The following NCOR2 variants were observed in gnomAD, a reference collection of about 807,000 sequenced individuals.
NCOR2 encodes nuclear receptor corepressor 2, also known as CTG repeat protein 26.
In NCOR2, 81 loss-of-function variants were observed where a neutral mutation model predicts 262.9. The ratio of observed to expected loss-of-function variants is 0.31; its 90% CI spans 0.26 to 0.37. NCOR2 has a LOEUF of 0.37. Among genes scored for constraint, NCOR2 ranks in the 10% least tolerant of loss-of-function variants. The pLI is 1.00. For synonymous variants in NCOR2, 1,659 were observed against 1,559.3 expected (o/e 1.06, Z -1.51); for missense variants, 3,385 against 3,621.4 (o/e 0.93, Z 1.68).
chr12:124,374,371 C>CT (rs1566413782), intron 19 of NCOR2, 42 bp downstream of exon 21: 1 of 1,600,426 alleles, frequency 6.2e-7, no homozygotes, highest in East Asian at 2.2e-5. Context: ...ATGCCCGCCC[C>CT]GGCCCGGCCC....
intron 1 of NCOR2, among the ~76,000 whole-genome samples, chr12:124,501,656 C>A (rs905065321): frequency 3.3e-5 from 5 of 152,194 alleles, no homozygotes; most frequent in African/African-American, 1.2e-4. Context: ...CTTCTAAGGG[C>A]ACCCGTCATA....
At chr12:124,461,640 T>C (rs759189260) in intron 5 of NCOR2, among the ~76,000 whole-genome samples, 2 of 152,194 alleles carry the variant, frequency 1.3e-5, no homozygotes, top group Non-Finnish European at 2.9e-5. Flanking sequence ...CACATACACA[T>C]GTGCACCCAA....
Position 124,440,578 on chromosome 12 carries a change from A to G in NCOR2, c.816-2582T>C, listed in dbSNP as rs889960622. On this transcript the variant is annotated intron_variant, in intron 7 of 46. Transcript: ENST00000405201. This position sits in a 1 kb window ranked among gnomAD's most constrained non-coding sequence, Gnocchi z 5.7. ...TCGCAGCCTCATCTTCTGTTATTCA[A>G]TAACTGTTTACTGAGCATCTACTAT... Among the ~76,000 whole-genome samples the G allele has an allele frequency of 1.3e-5, 2 of 152,210 alleles. No individual in the cohort carries two copies. Among genetic ancestry groups the G allele is most frequent in the Non-Finnish European group, 2.9e-5 (2 of 68,046 alleles).
At chr12:124,361,398 T>C (rs2038583791) in intron 22 of NCOR2, among the ~76,000 whole-genome samples, 1 of 152,174 alleles carries the variant, frequency 6.6e-6, no homozygotes, top group Admixed American at 6.5e-5. Context: ...GATGCCTCTT[T>C]GGGGACACAG....
intron 1 of NCOR2, among the ~76,000 whole-genome samples, chr12:124,544,128 G>A (rs569579393): frequency 6.6e-6 from 1 of 152,182 alleles, no homozygotes; most frequent in Non-Finnish European, 1.5e-5. Flanking sequence ...GAGATGAATG[G>A]AAAGGGTGCA....
At chr12:124,426,105 G>A (rs2043531083) in intron 11 of NCOR2, among the ~76,000 whole-genome samples, 2 of 152,176 alleles carry the variant, frequency 1.3e-5, no homozygotes, top group South Asian at 2.1e-4. Flanking sequence ...GCAGTGCCCC[G>A]TCTTACATCC....
At chr12:124,493,035 C>G (rs570822424) in intron 1 of NCOR2, among the ~76,000 whole-genome samples, 1 of 152,348 alleles carries the variant, frequency 6.6e-6, no homozygotes, top group East Asian at 1.9e-4. Flanking sequence ...CTGGGCCCCA[C>G]TCACTCCCTG....
intron 1 of NCOR2, among the ~76,000 whole-genome samples, chr12:124,525,629 T>C (rs2050424828): frequency 6.6e-6 from 1 of 152,226 alleles, no homozygotes; most frequent in African/African-American, 2.4e-5. Flanking sequence ...CTGAGGGCCC[T>C]ACGTGGCACA....
intron 1 of NCOR2, among the ~76,000 whole-genome samples, chr12:124,561,711 C>T (rs1363451735): frequency 1.3e-5 from 2 of 152,046 alleles, no homozygotes; most frequent in Non-Finnish European, 2.9e-5. Context: ...AGAGAAAACA[C>T]GCATGAAAAG....
intron 1 of NCOR2, among the ~76,000 whole-genome samples, chr12:124,491,101 C>G (rs575852470): frequency 6.6e-6 from 1 of 152,240 alleles, no homozygotes; most frequent in African/African-American, 2.4e-5. Context: ...GGCTGAGCTG[C>G]TTTCACACCA....
chr12:124,401,309 T>A (rs999945188), intron 14 of NCOR2, among the ~76,000 whole-genome samples: 1 of 152,202 alleles, frequency 6.6e-6, no homozygotes. Context: ...ATTGGCTGGC[T>A]ATTTTATTCC....
intron 20 of NCOR2, among the ~76,000 whole-genome samples, chr12:124,368,926 G>C (rs1456877495): frequency 1.3e-5 from 2 of 152,266 alleles, no homozygotes; most frequent in African/African-American, 4.8e-5. Flanking sequence ...TAACAAAGGT[G>C]AAATTGCTGT....
In NCOR2 at chr12:124,335,478, C is replaced by T. The variant is rs747820134; in HGVS notation, c.6265+5G>A. 7.1e-5 allele frequency: 114 copies of T among 1,603,092 alleles called. No individual in the cohort carries two copies. The highest frequency in any genetic ancestry group is 8.7e-5 in the Non-Finnish European group (103 of 1,178,420). On this transcript the variant is annotated splice_donor_5th_base_variant and intron_variant, in intron 39 of 46. Coordinates refer to ENST00000405201, the Ensembl canonical transcript of NCOR2. Reference sequence around the variant, plus strand: ...TCGGGGGCCTGGGTACTGGGTGGGGCGTACCTGGCTGCTTGGGCCGCAGCT... The same window carrying T: ...TCGGGGGCCTGGGTACTGGGTGGGGTGTACCTGGCTGCTTGGGCCGCAGCT...
At chr12:124,340,367 G>GTCCCGCTCTCGATCCCGGTCTCGC in exon 36 of NCOR2, 2 of 1,613,016 alleles carry the variant, frequency 1.2e-6, no homozygotes, top group Non-Finnish European at 1.7e-6. Context: ...CCCGATCCCG[G>GTCCCGCTCTCGATCCCGGTCTCGC]TCCCGCTCTC....
exon 38 of NCOR2, chr12:124,336,810 G>A (rs746058008): frequency 7.4e-6 from 12 of 1,613,174 alleles, no homozygotes; most frequent in East Asian, 6.7e-5. Flanking sequence ...GTCTTTTCCC[G>A]GTGCGGGTCC....
Position 124,338,807 on chromosome 12 carries a change from G to A in NCOR2, c.5687+1199C>T, listed in dbSNP as rs1027727263. Among the ~76,000 whole-genome samples, 8 of 151,822 alleles carry A rather than the reference G, an allele frequency of 5.3e-5. 1 individual carries two copies. Among genetic ancestry groups the A allele is most frequent in the Admixed American group, 3.9e-4 (6 of 15,234 alleles). On this transcript the variant is annotated intron_variant, in intron 37 of 46. Transcript: ENST00000405201. ...AACCTCCCCATCTACTCATCCCACC[G>A]CCCAACTCATCGTCCATCCACTGGG...
intron 5 of NCOR2, among the ~76,000 whole-genome samples, chr12:124,463,480 C>G (rs1485872094): frequency 1.3e-5 from 2 of 152,266 alleles, no homozygotes; most frequent in Non-Finnish European, 2.9e-5. Flanking sequence ...GGCCCCCACC[C>G]ACGCAGGCAG....
intron 1 of NCOR2, among the ~76,000 whole-genome samples, chr12:124,488,714 A>G (rs191634835): frequency 6.6e-6 from 1 of 152,314 alleles, no homozygotes; most frequent in Non-Finnish European, 1.5e-5. Flanking sequence ...TGTGAGAAGA[A>G]AGCAGCAGGC....
rs367966030 is a variant in NCOR2, at chr12:124,466,302, G to A, written c.592-16C>T. ...CCAGCTGTTGCTGTGGGGAGAGGCA[G>A]AACGTGAGGGATGAGCACCCCAGCG... On this transcript the variant is annotated splice_polypyrimidine_tract_variant and intron_variant, in intron 4 of 46. Transcript: ENST00000405201. The A allele has an allele frequency of 3.1e-6, 5 of 1,598,974 alleles. No individual in the cohort carries two copies. The African/African-American group carries it at 6.7e-5, about 21-fold the overall frequency.
Sources: gnomAD v4.1 joint callset for allele counts (sites outside exome capture counted in the v4.1 genomes callset) on GRCh38, gnomAD v4.1.1 for gene constraint, Gnocchi (gnomAD v3.1) non-coding constraint, MANE v1.5 for transcripts, NCBI Gene and HGNC (gene_info 2026-07-23, HGNC 2026-07-21) for gene names.